The following SUGCT variants were observed in gnomAD, a reference collection of about 807,000 sequenced individuals.
The protein encoded by SUGCT is succinyl-CoA:glutarate CoA-transferase.
In SUGCT, 41 loss-of-function variants were observed where a neutral mutation model predicts 55.0. The observed-to-expected ratio is 0.74, with a 90% CI of 0.58 to 0.97. SUGCT has a LOEUF of 0.97. SUGCT is among the 50% of genes least tolerant of loss of function. The probability of loss-of-function intolerance (pLI) is 0.00; values close to 1 mark genes in which losing one functional copy is unlikely to be tolerated. For missense variants in SUGCT, 568 were observed against 547.8 expected (o/e 1.04, Z -0.37); for synonymous variants, 187 against 200.4 (o/e 0.93, Z 0.56).
chr7:40,277,677 G>GTTGTTA (rs71560188), intron 8 of SUGCT, among the ~76,000 whole-genome samples: 7 of 144,896 alleles, frequency 4.8e-5, no homozygotes, highest in Non-Finnish European at 9.0e-5. Flanking sequence ...TGTTCTTTTT[G>GTTGTTA]TTATTATTAT....
chr7:40,586,194 A>C (rs1797369183), intron 12 of SUGCT, among the ~76,000 whole-genome samples: 1 of 152,140 alleles, frequency 6.6e-6, no homozygotes, highest in Non-Finnish European at 1.5e-5. Context: ...ATATAGAATT[A>C]TATAGTTTTA....
intron 12 of SUGCT, among the ~76,000 whole-genome samples, chr7:40,664,760 C>T (rs1801516489): frequency 1.3e-5 from 2 of 152,048 alleles, no homozygotes; most frequent in African/African-American, 4.8e-5. Context: ...GCGGGCAGAT[C>T]ACGAGGTCAG....
chr7:40,978,937 G>T, the SUGCT span, among the ~76,000 whole-genome samples: 1 of 152,172 alleles, frequency 6.6e-6, no homozygotes, highest in Non-Finnish European at 1.5e-5. Flanking sequence ...TGACATGATT[G>T]GGTTTAGATT....
chr7:40,441,060 A>T (rs1365572480), intron 9 of SUGCT, among the ~76,000 whole-genome samples: 2 of 151,924 alleles, frequency 1.3e-5, no homozygotes, highest in East Asian at 3.9e-4. Flanking sequence ...CTGCTACTTT[A>T]TTAGAATGTA....
chr7:40,685,474 G>C (rs1437557108), intron 12 of SUGCT, among the ~76,000 whole-genome samples: 2 of 152,084 alleles, frequency 1.3e-5, no homozygotes, highest in African/African-American at 4.8e-5. Context: ...AGATACATAG[G>C]ATATAATTTT....
At chr7:40,914,542 C>T in the SUGCT span, among the ~76,000 whole-genome samples, 1 of 152,150 alleles carries the variant, frequency 6.6e-6, no homozygotes, top group Admixed American at 6.5e-5. Flanking sequence ...GATCTTTACA[C>T]AGAAATCATT....
chr7:40,722,496 G>A (rs574083380), intron 12 of SUGCT, among the ~76,000 whole-genome samples: 1 of 152,116 alleles, frequency 6.6e-6, no homozygotes, highest in Non-Finnish European at 1.5e-5. Flanking sequence ...GTCAGTTTTA[G>A]ACCAAATATA....
At chr7:40,250,442 A>G (rs1447710501) in intron 7 of SUGCT, among the ~76,000 whole-genome samples, 4 of 151,226 alleles carry the variant, frequency 2.6e-5, no homozygotes, top group Non-Finnish European at 4.4e-5. Context: ...ATACATATTT[A>G]TTATAAAACT....
chr7:40,764,732 A>G (rs1398759136), intron 13 of SUGCT, among the ~76,000 whole-genome samples: 2 of 152,162 alleles, frequency 1.3e-5, no homozygotes, highest in Non-Finnish European at 2.9e-5. Context: ...CTGGCTAAGG[A>G]GTTTTCCCTG....
chr7:41,017,357 G>A, the SUGCT span, among the ~76,000 whole-genome samples: 1 of 152,144 alleles, frequency 6.6e-6, no homozygotes. Flanking sequence ...TTGAAAACAA[G>A]GCCACATGGC....
At chr7:40,536,829 T>C (rs1341235263) in intron 12 of SUGCT, among the ~76,000 whole-genome samples, 2 of 152,202 alleles carry the variant, frequency 1.3e-5, no homozygotes, top group African/African-American at 4.8e-5. Flanking sequence ...TCTTAAGCTC[T>C]CGTATGTGCT....
intron 7 of SUGCT, among the ~76,000 whole-genome samples, chr7:40,267,060 A>G (rs1342508001): frequency 6.6e-6 from 1 of 151,976 alleles, no homozygotes; most frequent in Non-Finnish European, 1.5e-5. Flanking sequence ...GGAAGAAAAA[A>G]AGAAAATAAC....
the SUGCT span, among the ~76,000 whole-genome samples, chr7:40,946,284 G>C: frequency 6.6e-6 from 1 of 152,044 alleles, no homozygotes; most frequent in African/African-American, 2.4e-5. Flanking sequence ...AAAAATTTCT[G>C]TCCTTTGTAT....
intron 11 of SUGCT, among the ~76,000 whole-genome samples, chr7:40,459,915 A>G (rs1257972618): frequency 6.6e-6 from 1 of 152,098 alleles, no homozygotes; most frequent in Non-Finnish European, 1.5e-5. Context: ...GTTTGCCTTT[A>G]CATGTCTTCT....
chr7:40,805,478 C>T (rs1487432599), intron 13 of SUGCT, among the ~76,000 whole-genome samples: 1 of 152,170 alleles, frequency 6.6e-6, no homozygotes, highest in Non-Finnish European at 1.5e-5. Flanking sequence ...GCATTGTTTA[C>T]TATTTATATG....
At position 40,761,029 on chromosome 7, in the gene SUGCT, T is replaced by C. The variant is rs561888067; in HGVS notation, c.1153+11532T>C. 4.4e-4 allele frequency among the ~76,000 whole-genome samples: 67 copies of C among 152,348 alleles called. No homozygotes were observed. The South Asian group carries it at 0.01, about 24-fold the overall frequency. On this transcript the variant is annotated intron_variant, in intron 13 of 13. Transcript: ENST00000335693. ...CATTAATTTTTCAACCATTAAACCT[T>C]GAAACAATCACGCATGTTTCTCTAA... is the stretch of plus-strand genomic sequence containing the variant.
chr7:40,604,439 G>A (rs991048508), intron 12 of SUGCT, among the ~76,000 whole-genome samples: 4 of 152,168 alleles, frequency 2.6e-5, no homozygotes, highest in Non-Finnish European at 4.4e-5. Context: ...GAATGTGAGA[G>A]GATGTCATGT....
chr7:40,843,646 A>G (rs963767671), intron 13 of SUGCT, among the ~76,000 whole-genome samples: 2 of 152,108 alleles, frequency 1.3e-5, no homozygotes, highest in African/African-American at 4.8e-5. Flanking sequence ...GTTCCCAAGG[A>G]GGAACATGCT....
chr7:40,788,411 A>T (rs1790143794), intron 13 of SUGCT, among the ~76,000 whole-genome samples: 1 of 152,240 alleles, frequency 6.6e-6, no homozygotes, highest in African/African-American at 2.4e-5. Flanking sequence ...ATGAGACTGC[A>T]CAGACGTTGG....
Sources: gnomAD v4.1 joint callset for allele counts (sites outside exome capture counted in the v4.1 genomes callset) on GRCh38, gnomAD v4.1.1 for gene constraint, MANE v1.5 for transcripts, NCBI Gene and HGNC (gene_info 2026-07-23, HGNC 2026-07-21) for gene names.